The following NR2C2 variants were observed in gnomAD, a reference collection of about 807,000 sequenced individuals.
NR2C2 encodes nuclear receptor subfamily 2 group C member 2, also known as Nuclear hormone receptor TR4.
A neutral mutation model predicts 62.9 loss-of-function variants in NR2C2; 6 were observed. That is an observed-to-expected ratio of 0.10 (90% CI 0.05 to 0.19). The LOEUF (loss-of-function observed/expected upper bound fraction) is 0.19, where lower values mean the gene tolerates loss of function less well. NR2C2 is among the 10% of genes least tolerant of loss of function. NR2C2 has a pLI of 1.00. For synonymous variants in NR2C2, 272 were observed against 273.8 expected (o/e 0.99, Z 0.07); for missense variants, 479 against 762.7 (o/e 0.63, Z 4.38).
chr3:15,022,362 C>A (rs1286174970), intron 5 of NR2C2, among the ~76,000 whole-genome samples: 2 of 151,454 alleles, frequency 1.3e-5, no homozygotes, highest in Non-Finnish European at 2.9e-5. Flanking sequence ...ATTAAGGGCC[C>A]ACTTGAAGGT....
chr3:14,965,039 G>A (rs1036239388), intron 1 of NR2C2, among the ~76,000 whole-genome samples: 6 of 152,178 alleles, frequency 3.9e-5, no homozygotes, highest in South Asian at 4.1e-4. Flanking sequence ...CATGCACATC[G>A]TTGGCATGTG....
intron 1 of NR2C2, among the ~76,000 whole-genome samples, chr3:14,955,504 G>A (rs1208340584): frequency 6.6e-6 from 1 of 151,980 alleles, no homozygotes; most frequent in Admixed American, 6.6e-5. Context: ...GTGATCTAGA[G>A]GGAATGTTGC....
At chr3:14,996,980 G>GT (rs1456332462) in intron 1 of NR2C2, among the ~76,000 whole-genome samples, 1 of 152,190 alleles carries the variant, frequency 6.6e-6, no homozygotes, top group Non-Finnish European at 1.5e-5. Flanking sequence ...TGCAAATAAA[G>GT]TAAGGACCTG....
chr3:14,987,518 G>GT (rs899014737), intron 1 of NR2C2, among the ~76,000 whole-genome samples: 15 of 152,102 alleles, frequency 9.9e-5, no homozygotes, highest in African/African-American at 2.9e-4. Context: ...GTATTTGAAA[G>GT]TTTTTTTTAA....
chr3:15,028,676 TCA>T lies in NR2C2; in HGVS notation c.890_891del (p.Ser297Ter). 6.2e-7 allele frequency: 1 copy of T among 1,614,128 alleles called. No homozygotes were observed. Among genetic ancestry groups the T allele is most frequent in the South Asian group, 1.1e-5 (1 of 91,064 alleles). On this transcript the variant is annotated frameshift_variant, in exon 8 of 14. Coordinates refer to ENST00000425241, the MANE Select transcript of NR2C2 (RefSeq NM_001291694.2). LOFTEE classifies it high-confidence loss of function. ...TGAATCTTTGAACAACGGTGACACT[TCA>T]GAAATCCAGCCAGAGGACCAGTCTG... is the stretch of plus-strand genomic sequence containing the variant. ...LSESLNNGDT[S>X]EIQPEDQSAS...
At chr3:15,030,209 C>A in intron 8 of NR2C2, 66 bp from the exon 9 acceptor site, 1 of 1,328,000 alleles carries the variant, frequency 7.5e-7, no homozygotes, top group Non-Finnish European at 1.1e-6. Context: ...TAAATCATAG[C>A]TAGAATTCTG....
At chr3:14,983,068 GGGA>G (rs1316033422) in intron 1 of NR2C2, among the ~76,000 whole-genome samples, 1 of 152,080 alleles carries the variant, frequency 6.6e-6, no homozygotes, top group Admixed American at 6.5e-5. Context: ...CAGGGTAAAT[GGGA>G]TATCCATTAC....
chr3:15,028,898 T>C (rs1448072182), intron 8 of NR2C2, among the ~76,000 whole-genome samples, 179 bp downstream of exon 8: 1 of 152,218 alleles, frequency 6.6e-6, no homozygotes, highest in East Asian at 1.9e-4. Flanking sequence ...TAGACCCACC[T>C]ATGTTATACA....
chr3:15,039,103 G>A lies in NR2C2; in HGVS notation c.1511-19G>A. On this transcript the variant is annotated intron_variant, in intron 12 of 13. Transcript: ENST00000425241. ...TCAAATACAGAGGGAACTGGGGGGG[G>A]GTACTTTTCTGTTTTCAGATCATCC... 6.3e-7 allele frequency: 1 copy of A among 1,577,470 alleles called. No homozygotes were observed. Among genetic ancestry groups the A allele is most frequent in the Non-Finnish European group, 8.7e-7 (1 of 1,147,998 alleles).
intron 1 of NR2C2, among the ~76,000 whole-genome samples, chr3:14,985,651 G>C (rs2040494613): frequency 6.6e-6 from 1 of 152,170 alleles, no homozygotes. Context: ...TCTTTTAACT[G>C]TCTCAGATTT....
chr3:15,017,539 C>T (rs890271771), intron 4 of NR2C2, among the ~76,000 whole-genome samples: 6 of 152,158 alleles, frequency 3.9e-5, no homozygotes, highest in African/African-American at 9.7e-5. Context: ...GAAGCATGAA[C>T]GTAACAAAAG....
intron 1 of NR2C2, among the ~76,000 whole-genome samples, chr3:14,969,585 T>G (rs1559535015): frequency 2.0e-5 from 3 of 152,168 alleles, no homozygotes; most frequent in Non-Finnish European, 4.4e-5. Flanking sequence ...CAGGAGAAAT[T>G]TAGGAGTTAA....
chr3:14,997,707 TG>T (rs1363057546), intron 1 of NR2C2, among the ~76,000 whole-genome samples: 1 of 152,218 alleles, frequency 6.6e-6, no homozygotes, highest in Non-Finnish European at 1.5e-5. Context: ...GTAGTGAATT[TG>T]TTGTTAAAAT....
At chr3:14,991,538 AGTGTT>A (rs1386256198) in intron 1 of NR2C2, among the ~76,000 whole-genome samples, 1 of 152,102 alleles carries the variant, frequency 6.6e-6, no homozygotes, top group Non-Finnish European at 1.5e-5. Flanking sequence ...ATTTCACTGA[AGTGTT>A]GAGAAGTACT....
chr3:14,960,916 C>G (rs1178938229), intron 1 of NR2C2, among the ~76,000 whole-genome samples: 2 of 152,084 alleles, frequency 1.3e-5, no homozygotes, highest in Non-Finnish European at 2.9e-5. Flanking sequence ...TAGTTGTAAC[C>G]AAACTATAGC....
intron 3 of NR2C2, among the ~76,000 whole-genome samples, chr3:15,015,269 C>G (rs181291138): frequency 6.6e-6 from 1 of 152,262 alleles, no homozygotes; most frequent in African/African-American, 2.4e-5. Flanking sequence ...GGCTCAAGTT[C>G]AAGTACATTT....
intron 1 of NR2C2, among the ~76,000 whole-genome samples, chr3:14,964,681 A>AT (rs1165766504): frequency 0.043 from 5,967 of 138,944 alleles, 398 homozygotes; most frequent in African/African-American, 0.14. Context: ...CACCCGGCTA[A>AT]TTTTTTTTTT....
At chr3:14,958,969 C>T (rs1451771923) in intron 1 of NR2C2, among the ~76,000 whole-genome samples, 4 of 152,078 alleles carry the variant, frequency 2.6e-5, no homozygotes, top group Non-Finnish European at 4.4e-5. Flanking sequence ...AGCAAGACTC[C>T]GTCTCAAAAA....
At chr3:14,957,307 T>C (rs1022195904) in intron 1 of NR2C2, among the ~76,000 whole-genome samples, 5 of 152,232 alleles carry the variant, frequency 3.3e-5, no homozygotes, top group South Asian at 2.1e-4. Context: ...TTCATTGTTA[T>C]CTGAAACTGG....
Sources: allele counts gnomAD v4.1 joint callset (sites outside exome capture counted in the v4.1 genomes callset), GRCh38; gene constraint gnomAD v4.1.1; transcripts MANE v1.5; gene names NCBI Gene and HGNC (gene_info 2026-07-23, HGNC 2026-07-21).